The following XYLT1 variants were observed in gnomAD, a reference collection of about 807,000 sequenced individuals.
XYLT1 encodes xylosyltransferase 1.
Under a neutral mutation model 91.3 loss-of-function variants are expected in XYLT1, and 36 were observed. The observed-to-expected ratio is 0.39, with a 90% CI of 0.30 to 0.52. The LOEUF is 0.52. XYLT1 is among the 20% of genes least tolerant of loss of function. The pLI is 0.68. For synonymous variants in XYLT1, 588 were observed against 532.0 expected (o/e 1.11, Z -1.45); for missense variants, 1,242 against 1,284.5 (o/e 0.97, Z 0.51).
chr16:17,314,763 G>C (rs1188067452), intron 2 of XYLT1, among the ~76,000 whole-genome samples: 1 of 152,202 alleles, frequency 6.6e-6, no homozygotes, highest in Non-Finnish European at 1.5e-5. Flanking sequence ...AACATTAGAT[G>C]AGGCTCTGAG....
At chr16:17,239,877 T>C (rs1288167750) in intron 3 of XYLT1, among the ~76,000 whole-genome samples, 1 of 152,196 alleles carries the variant, frequency 6.6e-6, no homozygotes, top group Non-Finnish European at 1.5e-5. Flanking sequence ...ATCCCATCCA[T>C]GTTTTCATCC....
intron 5 of XYLT1, among the ~76,000 whole-genome samples, chr16:17,167,904 C>A (rs2031736596): frequency 6.6e-6 from 1 of 152,148 alleles, no homozygotes; most frequent in Non-Finnish European, 1.5e-5. Context: ...CATCTTTCCC[C>A]ACGGCTTATC....
At chr16:17,194,610 G>A (rs1316885060) in intron 5 of XYLT1, among the ~76,000 whole-genome samples, 1 of 152,200 alleles carries the variant, frequency 6.6e-6, no homozygotes, top group Non-Finnish European at 1.5e-5. Context: ...ACTCCACCCC[G>A]CCACAAGCTC....
At chr16:17,260,575 G>C (rs991315043) in intron 2 of XYLT1, among the ~76,000 whole-genome samples, 2 of 152,088 alleles carry the variant, frequency 1.3e-5, no homozygotes, top group Admixed American at 1.3e-4. Context: ...AAAAGGTGTC[G>C]GGGCCTGAAC....
chr16:17,218,494 C>T (rs1162157606), intron 3 of XYLT1, among the ~76,000 whole-genome samples: 5 of 152,020 alleles, frequency 3.3e-5, no homozygotes, highest in Admixed American at 6.6e-5. Flanking sequence ...AGATGGAAGG[C>T]TCAGTGCCTT....
intron 3 of XYLT1, among the ~76,000 whole-genome samples, chr16:17,254,422 TC>T (rs1462994138): frequency 6.6e-6 from 1 of 152,144 alleles, no homozygotes; most frequent in Non-Finnish European, 1.5e-5. Flanking sequence ...GTTGACAGAG[TC>T]CCGCCCTGTT....
At chr16:17,340,649 C>T (rs2035053033) in intron 2 of XYLT1, among the ~76,000 whole-genome samples, 1 of 152,170 alleles carries the variant, frequency 6.6e-6, no homozygotes, top group African/African-American at 2.4e-5. Flanking sequence ...CCTCTCTGTG[C>T]CTCAGTTTTG....
intron 10 of XYLT1, 72 bp from the exon 11 acceptor site, chr16:17,118,051 T>TC (rs1407881852): frequency 6.8e-7 from 1 of 1,472,906 alleles, no homozygotes; most frequent in African/African-American, 1.4e-5. Flanking sequence ...AGGTCTAGGA[T>TC]CCCCTTTGTT....
chr16:17,189,332 AAGATCCGG>A (rs1164917327), intron 5 of XYLT1, among the ~76,000 whole-genome samples: 1 of 152,184 alleles, frequency 6.6e-6, no homozygotes, highest in Non-Finnish European at 1.5e-5. Context: ...ATGGGTAGAG[AAGATCCGG>A]TGTGAATGGG....
At chr16:17,141,058 C>T (rs2030958058) in intron 7 of XYLT1, 95 bp downstream of exon 7, 4 of 1,257,090 alleles carry the variant, frequency 3.2e-6, no homozygotes, top group Admixed American at 3.7e-5. Flanking sequence ...TGTAGGTGGA[C>T]CCAGAATCTC....
chr16:17,301,736 A>C (rs1211731381), intron 2 of XYLT1, among the ~76,000 whole-genome samples: 1 of 152,166 alleles, frequency 6.6e-6, no homozygotes, highest in Admixed American at 6.5e-5. Context: ...GGCGAATGCT[A>C]ATATCAACTC....
chr16:17,464,182 T>C (rs779946649), intron 1 of XYLT1, among the ~76,000 whole-genome samples: 20 of 151,950 alleles, frequency 1.3e-4, no homozygotes, highest in Non-Finnish European at 2.6e-4. Context: ...CAATAATCTA[T>C]TGTATATTTC....
chr16:17,429,613 T>C (rs1402056935), intron 1 of XYLT1, among the ~76,000 whole-genome samples: 1 of 152,240 alleles, frequency 6.6e-6, no homozygotes, highest in African/African-American at 2.4e-5. Context: ...AAGGTGTTTC[T>C]GGACGAGATT....
At chr16:17,158,201 T>A (rs1165873918) in intron 6 of XYLT1, among the ~76,000 whole-genome samples, 3 of 152,192 alleles carry the variant, frequency 2.0e-5, no homozygotes. Flanking sequence ...TTTGACATTG[T>A]TCATTTTAAG....
chr16:17,159,215 G>A (rs993785115), intron 5 of XYLT1, among the ~76,000 whole-genome samples: 64 of 152,112 alleles, frequency 4.2e-4, no homozygotes, highest in African/African-American at 1.4e-3. Flanking sequence ...CACTGGGCTT[G>A]GCAAACAGCA....
intron 10 of XYLT1, among the ~76,000 whole-genome samples, chr16:17,125,362 C>T (rs901636986): frequency 2.0e-5 from 3 of 152,130 alleles, no homozygotes; most frequent in African/African-American, 7.2e-5. Context: ...CGCCATTTTC[C>T]CTCTATCTTT....
At chr16:17,462,352 A>C (rs1016678975) in intron 1 of XYLT1, among the ~76,000 whole-genome samples, 50 of 152,180 alleles carry the variant, frequency 3.3e-4, no homozygotes, top group African/African-American at 1.2e-3. Flanking sequence ...CTGGGTTTGC[A>C]GTTCCTGACA....
chr16:17,233,762 C>T (rs1398433377), intron 3 of XYLT1, among the ~76,000 whole-genome samples: 2 of 152,200 alleles, frequency 1.3e-5, no homozygotes, highest in African/African-American at 4.8e-5. Flanking sequence ...TTTACACTAT[C>T]GTGGAGCTAA....
At position 17,108,973 on chromosome 16, in the gene XYLT1, T is replaced by A; in HGVS notation, c.2602A>T (p.Met868Leu). The A allele has an allele frequency of 1.3e-6, 2 of 1,564,540 alleles. No individual in the cohort carries two copies. Among genetic ancestry groups the A allele is most frequent in the South Asian group, 2.4e-5 (2 of 84,150 alleles). Residue 868 changes from methionine to leucine, a missense_variant, in exon 12 of 12, where the codon ATG (methionine) becomes TTG (leucine). Physicochemically the swap from Met to Leu is conservative, Grantham distance 15 (BLOSUM62 2). Transcript: ENST00000261381. ...LHNGPLRNAY[M>L]EQSFQSLNPV... ...TTTAGGCTCTGGAAGCTCTGCTCCA[T>A]GTAGGCATTGCGGAGGGGCCCATTG...
Sources: gnomAD v4.1 joint callset for allele counts (sites outside exome capture counted in the v4.1 genomes callset) on GRCh38, gnomAD v4.1.1 for gene constraint, MANE v1.5 for transcripts, NCBI Gene and HGNC (gene_info 2026-07-23, HGNC 2026-07-21) for gene names.